Variants in HAAO observed in about 807,000 individuals in gnomAD.
HAAO encodes 3-hydroxyanthranilate 3,4-dioxygenase.
In HAAO, 49 loss-of-function variants were observed where a neutral mutation model predicts 46.2. The observed-to-expected ratio is 1.06, with a 90% CI of 0.84 to 1.34. The LOEUF (loss-of-function observed/expected upper bound fraction) is 1.34. HAAO is among the 40% of genes most tolerant of loss of function. The pLI, the probability that HAAO is intolerant of heterozygous loss-of-function variation, is 0.00. For synonymous variants in HAAO, 157 were observed against 145.2 expected (o/e 1.08, Z -0.58); for missense variants, 408 against 364.5 (o/e 1.12, Z -0.97).
chr2:42,790,906 C>T (rs1252922861), intron 1 of HAAO, among the ~76,000 whole-genome samples: 1 of 152,182 alleles, frequency 6.6e-6, no homozygotes, highest in African/African-American at 2.4e-5. Context: ...AACAACTCCA[C>T]TCAAGAATTC....
chr2:42,785,571 A>T (rs946802470), intron 2 of HAAO, among the ~76,000 whole-genome samples: 2 of 151,384 alleles, frequency 1.3e-5, no homozygotes, highest in Non-Finnish European at 2.9e-5. Flanking sequence ...TTTCCTTATT[A>T]AAAAAAAACC....
chr2:42,786,007 CTCTGTGTGTG>C (rs1410697409), intron 2 of HAAO, among the ~76,000 whole-genome samples: 3 of 118,836 alleles, frequency 2.5e-5, no homozygotes, highest in East Asian at 2.7e-4. Flanking sequence ...GGGAGGAAGC[CTCTGTGTGTG>C]TGTGTGTGTG....
At chr2:42,788,402 C>T in intron 2 of HAAO, 127 bp downstream of exon 2, 1 of 712,202 alleles carries the variant, frequency 1.4e-6, no homozygotes, top group Non-Finnish European at 2.6e-6. Context: ...GCCCCCTCCA[C>T]TCATCAGCCA....
intron 4 of HAAO, among the ~76,000 whole-genome samples, chr2:42,771,397 A>G (rs893458497): frequency 6.6e-6 from 1 of 151,498 alleles, no homozygotes; most frequent in African/African-American, 2.4e-5. Flanking sequence ...GCCGCATTCC[A>G]GCCTGGGTGA....
At chr2:42,788,040 T>C (rs529436302) in intron 2 of HAAO, among the ~76,000 whole-genome samples, 1 of 152,156 alleles carries the variant, frequency 6.6e-6, no homozygotes, top group South Asian at 2.1e-4. Flanking sequence ...CTCCCTACCA[T>C]GCCTACCCCT....
chr2:42,772,027 T>C lies in HAAO; in HGVS notation c.351-1445A>G, dbSNP rs114605586. On this transcript the variant is annotated intron_variant, in intron 4 of 9. Transcript: ENST00000294973. Reference sequence around the variant, plus strand: ...ATGTGTTATTGAATTTGCTGTAAAATGATATTGAGGACACCATCCTCTCCA... The same window carrying C: ...ATGTGTTATTGAATTTGCTGTAAAACGATATTGAGGACACCATCCTCTCCA... Among the ~76,000 whole-genome samples the C allele has an allele frequency of 3.9e-3, 598 of 152,328 alleles. 3 individuals carry two copies. The highest frequency in any genetic ancestry group is 0.014 in the African/African-American group (573 of 41,574).
intron 4 of HAAO, among the ~76,000 whole-genome samples, chr2:42,772,470 G>T (rs1410323840): frequency 7.6e-6 from 1 of 132,104 alleles, no homozygotes; most frequent in Non-Finnish European, 1.6e-5. Flanking sequence ...GACAGAGCAA[G>T]ACTCCATCTC....
chr2:42,773,002 A>G (rs1671264973), intron 4 of HAAO, among the ~76,000 whole-genome samples: 1 of 152,064 alleles, frequency 6.6e-6, no homozygotes, highest in South Asian at 2.1e-4. Context: ...TCCCTGAGCA[A>G]TAGGTTGCTT....
rs1259487964 is a variant in HAAO, at chr2:42,792,577, G to A, written c.-41C>T. The A allele has an allele frequency of 2.8e-6, 4 of 1,440,294 alleles. No individual in the cohort carries two copies. The highest frequency in any genetic ancestry group is 1.5e-5 in the African/African-American group (1 of 67,754). The allele number at this position is 1,440,294 out of a possible 1,614,324, so 89.2% of individuals were successfully genotyped here. A position where few individuals can be genotyped will look rare whatever the true frequency, so the allele number is the denominator to read the frequency against. On this transcript the variant is annotated 5_prime_UTR_variant, in exon 1 of 10. In the 5' UTR this introduces an upstream ATG that the reference lacks. Transcript: ENST00000294973. ...CTCCTCGCAGCGCTGTCCTCCCGCCGTCGGAGGCCCGCAGCTCCGCCCAGC... is the reference window on the plus strand; with the variant it reads ...CTCCTCGCAGCGCTGTCCTCCCGCCATCGGAGGCCCGCAGCTCCGCCCAGC...
chr2:42,773,651 A>T (rs989356154), intron 4 of HAAO, among the ~76,000 whole-genome samples: 11 of 142,150 alleles, frequency 7.7e-5, no homozygotes, highest in Non-Finnish European at 1.2e-4. Flanking sequence ...CACTGGCGCG[A>T]TCTTGGCTCA....
At position 42,769,973 on chromosome 2, in the gene HAAO, G is replaced by A. The variant is rs997523760; in HGVS notation, c.485-115C>T. 1.0e-5 allele frequency: 13 copies of A among 1,243,098 alleles called. No homozygotes were observed. The African/African-American group carries it at 1.3e-4, about 13-fold the overall frequency. The allele number at this position is 1,243,098 out of a possible 1,614,324, so 77.0% of individuals were successfully genotyped here. A position where few individuals can be genotyped will look rare whatever the true frequency, so the allele number is the denominator to read the frequency against. On this transcript the variant is annotated intron_variant, in intron 6 of 9. Transcript: ENST00000294973. ...ATTGCCAGAACAGGCTCTGTATCCA[G>A]CTCAATGATCAAGCAGCCATGTGGG...
chr2:42,780,968 T>A (rs561962484), intron 4 of HAAO, among the ~76,000 whole-genome samples: 8 of 150,938 alleles, frequency 5.3e-5, no homozygotes, highest in African/African-American at 2.0e-4. Flanking sequence ...TCCCAGCTAC[T>A]CAGGAGGCTG....
intron 1 of HAAO, among the ~76,000 whole-genome samples, 172 bp from the exon 2 acceptor site, chr2:42,788,779 A>G (rs1422000884): frequency 2.6e-5 from 4 of 152,172 alleles, no homozygotes; most frequent in South Asian, 2.1e-4. Flanking sequence ...GCCTGCGTGC[A>G]TCTAAGTGTC....
chr2:42,791,923 GGTGT>G, intron 1 of HAAO, among the ~76,000 whole-genome samples: 1 of 150,270 alleles, frequency 6.7e-6, no homozygotes, highest in South Asian at 2.1e-4. Flanking sequence ...GGTCTGGTGT[GGTGT>G]GTGTGTGTGT....
In HAAO at chr2:42,770,200, CAGGG is replaced by C. The variant is rs1558659553; in HGVS notation, c.441-18_441-15del. On this transcript the variant is annotated splice_polypyrimidine_tract_variant and intron_variant, in intron 5 of 9. Transcript: ENST00000294973. ...GAGCTGAAGAACCTGCAAGGACGAA[CAGGG>C]AGGAGCAGGAGTGGCGAGCACTCCC... 1 of 1,590,310 alleles carries C rather than the reference CAGGG, an allele frequency of 6.3e-7. No homozygotes were observed.
chr2:42,783,533 C>A, intron 3 of HAAO, 113 bp from the exon 4 acceptor site: 1 of 717,408 alleles, frequency 1.4e-6, no homozygotes. Context: ...AGGGGTACTG[C>A]TTGTCTACCC....
At position 42,770,542 on chromosome 2, in the gene HAAO, A is replaced by G; in HGVS notation, c.391T>C (p.Trp131Arg). ...GDTMDVLFEK[W>R]FYCKDLGTQL... is the part of the protein sequence containing the mutation. ...GTGCCGAGGTCCTTGCAGTAGAACC[A>G]CTTCTCAAACAGAACGTCCATGGTG... Residue 131 changes from tryptophan (W) to arginine (R), a missense_variant, in exon 5 of 10, where the codon TGG becomes CGG. Coordinates refer to ENST00000294973, the MANE Select transcript of HAAO (RefSeq NM_012205.3). 6.4e-7 allele frequency: 1 copy of G among 1,553,392 alleles called. No homozygotes were observed. Among genetic ancestry groups the G allele is most frequent in the South Asian group, 1.2e-5 (1 of 84,180 alleles).
chr2:42,789,361 G>A (rs1440427722), intron 1 of HAAO, among the ~76,000 whole-genome samples: 1 of 152,138 alleles, frequency 6.6e-6, no homozygotes, highest in African/African-American at 2.4e-5. Context: ...CGGATGTATT[G>A]CTTGAGGCCA....
At position 42,783,867 on chromosome 2, in the gene HAAO, C is replaced by T. The variant is rs147350952; in HGVS notation, c.160G>A (p.Val54Ile). Residue 54 changes from valine (V) to isoleucine (I), a missense_variant and splice_region_variant, in exon 3 of 10, where the codon GTA (valine) becomes ATA (isoleucine). Coordinates refer to ENST00000294973, the MANE Select transcript of HAAO (RefSeq NM_012205.3). ...ATGTCTCCCTCCAGCTGGTAAAATACCTGTGGGACAGGAGAGAGGCTTGGA... is the reference window on the plus strand; with the variant it reads ...ATGTCTCCCTCCAGCTGGTAAAATATCTGTGGGACAGGAGAGAGGCTTGGA... ...KDYHIEEGEE[V>I]FYQLEGDMVL... The T allele has an allele frequency of 6.8e-6, 11 of 1,608,244 alleles. No individual in the cohort carries two copies. In the African/African-American group the frequency reaches 9.4e-5, roughly 14 times the overall value.
Sources: allele counts gnomAD v4.1 joint callset (sites outside exome capture counted in the v4.1 genomes callset), GRCh38; gene constraint gnomAD v4.1.1; transcripts MANE v1.5; gene names NCBI Gene and HGNC (gene_info 2026-07-23, HGNC 2026-07-21).